ENTREP2: variants seen among roughly 807,000 people sequenced by gnomAD.
The protein encoded by ENTREP2 is endosomal transmembrane epsin interactor 2.
At chr15:29,410,129 G>A in the ENTREP2 span, among the ~76,000 whole-genome samples, 5 of 152,124 alleles carry the variant, frequency 3.3e-5, no homozygotes, top group Admixed American at 3.3e-4. Context: ...CTCTTTGTTT[G>A]TATGTTTGCT....
the ENTREP2 span, among the ~76,000 whole-genome samples, chr15:29,191,513 G>T: frequency 1.6e-4 from 24 of 152,078 alleles, no homozygotes; most frequent in African/African-American, 5.8e-4. Context: ...GGAAAAAAAA[G>T]ACAAAGACAG....
chr15:29,583,124 T>C, the ENTREP2 span, among the ~76,000 whole-genome samples: 1 of 152,214 alleles, frequency 6.6e-6, no homozygotes, highest in Admixed American at 6.5e-5. Context: ...AAAAGGGAAA[T>C]AAAATATTGG....
At chr15:29,386,554 AT>A in the ENTREP2 span, among the ~76,000 whole-genome samples, 1 of 152,190 alleles carries the variant, frequency 6.6e-6, no homozygotes, top group Non-Finnish European at 1.5e-5. Flanking sequence ...GTTTATGGTC[AT>A]TTGCTACACA....
At chr15:29,542,596 G>A in the ENTREP2 span, among the ~76,000 whole-genome samples, 8 of 152,154 alleles carry the variant, frequency 5.3e-5, no homozygotes, top group Non-Finnish European at 7.3e-5. Flanking sequence ...GAGCCACGGC[G>A]CCCGGCCCTC....
At chr15:29,673,736 T>C in the ENTREP2 span, among the ~76,000 whole-genome samples, 4 of 152,234 alleles carry the variant, frequency 2.6e-5, no homozygotes, top group Admixed American at 1.3e-4. Flanking sequence ...GGGCTGTTAT[T>C]GTTTTTGTTT....
the ENTREP2 span, among the ~76,000 whole-genome samples, chr15:29,492,566 C>T: frequency 6.6e-6 from 1 of 152,266 alleles, no homozygotes; most frequent in South Asian, 2.1e-4. Context: ...AGGAAGGTTG[C>T]TAAATTCTAT....
At chr15:29,480,850 A>G in the ENTREP2 span, among the ~76,000 whole-genome samples, 1 of 152,176 alleles carries the variant, frequency 6.6e-6, no homozygotes, top group Non-Finnish European at 1.5e-5. Flanking sequence ...GGGAGGTAAC[A>G]GCTGGGCAAT....
At chr15:29,439,680 CT>C in the ENTREP2 span, among the ~76,000 whole-genome samples, 120 of 152,286 alleles carry the variant, frequency 7.9e-4, no homozygotes, top group Non-Finnish European at 1.5e-3. Context: ...CTGGAAGTAT[CT>C]CCCCCAGAAT....
the ENTREP2 span, among the ~76,000 whole-genome samples, chr15:29,579,524 T>C: frequency 7.5e-3 from 1,103 of 147,514 alleles, 17 homozygotes; most frequent in African/African-American, 0.026. Context: ...TTCTTTCTTT[T>C]TTTTTTTTTT....
At chr15:29,581,941 G>T in the ENTREP2 span, among the ~76,000 whole-genome samples, 4 of 102,256 alleles carry the variant, frequency 3.9e-5, no homozygotes, top group African/African-American at 1.4e-4. Flanking sequence ...AAAATATGCT[G>T]GTTTTTTTTT....
At chr15:29,378,173 A>G in the ENTREP2 span, among the ~76,000 whole-genome samples, 2 of 150,226 alleles carry the variant, frequency 1.3e-5, no homozygotes, top group Admixed American at 6.6e-5. Flanking sequence ...CGCTTTAAAA[A>G]CCTTTTTTAA....
At chr15:29,307,868 C>A in the ENTREP2 span, among the ~76,000 whole-genome samples, 2 of 152,172 alleles carry the variant, frequency 1.3e-5, no homozygotes, top group Admixed American at 6.5e-5. Context: ...GCCTCCAGAA[C>A]TGAGAAAAAC....
At chr15:29,184,376 T>G in the ENTREP2 span, among the ~76,000 whole-genome samples, 1 of 152,154 alleles carries the variant, frequency 6.6e-6, no homozygotes, top group Non-Finnish European at 1.5e-5. Flanking sequence ...CGCTGGTCAT[T>G]TGCACGGAAA....
At chr15:29,268,769 G>C in the ENTREP2 span, 13 of 1,577,734 alleles carry the variant, frequency 8.2e-6, no homozygotes, top group South Asian at 3.5e-5. Flanking sequence ...CCTTGTCCCG[G>C]GGGTCCCTCT....
At chr15:29,235,015 C>T in the ENTREP2 span, 1 of 1,255,330 alleles carries the variant, frequency 8.0e-7, no homozygotes, top group Non-Finnish European at 1.2e-6. Flanking sequence ...CTTGAAGTTT[C>T]AATCTTTAGA....
At chr15:29,219,614 AATAT>A in the ENTREP2 span, among the ~76,000 whole-genome samples, 216 of 38,220 alleles carry the variant, frequency 5.7e-3, 2 homozygotes, top group African/African-American at 0.01. Context: ...GTGGTGCATA[AATAT>A]ATATATATAT....
At chr15:29,420,153 A>G in the ENTREP2 span, among the ~76,000 whole-genome samples, 2 of 152,322 alleles carry the variant, frequency 1.3e-5, no homozygotes, top group South Asian at 2.1e-4. Flanking sequence ...ACGAGTCTCA[A>G]TGGGCACCTC....
At chr15:29,668,387 G>A in the ENTREP2 span, among the ~76,000 whole-genome samples, 3 of 152,132 alleles carry the variant, frequency 2.0e-5, no homozygotes, top group East Asian at 1.9e-4. Context: ...TATAATTACC[G>A]TGACCCGGCA....
the ENTREP2 span, among the ~76,000 whole-genome samples, chr15:29,352,496 G>T: frequency 3.3e-5 from 5 of 152,172 alleles, no homozygotes; most frequent in Admixed American, 1.3e-4. Flanking sequence ...TCCTGCTTAT[G>T]AAATTACATT....
Sources: allele counts gnomAD v4.1 joint callset (sites outside exome capture counted in the v4.1 genomes callset), GRCh38; gene constraint gnomAD v4.1.1; transcripts MANE v1.5; gene names NCBI Gene and HGNC (gene_info 2026-07-23, HGNC 2026-07-21).